RPS6KC1: variants seen among roughly 807,000 people sequenced by gnomAD.
RPS6KC1 encodes the protein inactive ribosomal protein S6 kinase delta-1.
RPS6KC1 carries 54 observed loss-of-function variants against 103.8 expected under a neutral mutation model. The ratio of observed to expected loss-of-function variants is 0.52; its 90% CI spans 0.42 to 0.65. The LOEUF is 0.65. Among genes scored for constraint, RPS6KC1 ranks in the 30% least tolerant of loss-of-function variants. The pLI is 0.00. For missense variants in RPS6KC1, 1,151 were observed against 1,253.8 expected (o/e 0.92, Z 1.24); for synonymous variants, 439 against 438.7 (o/e 1.00, Z -0.01).
the RPS6KC1 span, among the ~76,000 whole-genome samples, chr1:213,322,219 T>C: frequency 6.6e-6 from 1 of 152,198 alleles, no homozygotes; most frequent in African/African-American, 2.4e-5. Flanking sequence ...GGCAGGAGAA[T>C]TGCTTGAACC....
At chr1:213,247,757 C>G (rs539120946) in intron 12 of RPS6KC1, among the ~76,000 whole-genome samples, 50 of 152,216 alleles carry the variant, frequency 3.3e-4, no homozygotes, top group African/African-American at 1.2e-3. Flanking sequence ...ATCTGACATC[C>G]TCCTTACACA....
At position 213,242,044 on chromosome 1, in the gene RPS6KC1, G is replaced by T; in HGVS notation, c.2568G>T (p.Glu856Asp). Residue 856 changes from glutamate (E) to aspartate (D), a missense_variant, in exon 11 of 15, where the codon GAG becomes GAT. Glu to Asp is a conservative substitution (Grantham distance 45). Coordinates refer to ENST00000366960, the MANE Select transcript of RPS6KC1 (RefSeq NM_012424.6). ...ATCAGACTGATGATTTGGCTAAAGA[G>T]GAACCAACTTCTTTATTCCAGAGAG... ...FTDQTDDLAKEEPTSLFQRDS... is the reference protein window; with the variant it reads ...FTDQTDDLAKDEPTSLFQRDS... The T allele has an allele frequency of 6.2e-7, 1 of 1,614,078 alleles. No homozygotes were observed.
chr1:213,844,658 A>G, the RPS6KC1 span, among the ~76,000 whole-genome samples: 1 of 152,218 alleles, frequency 6.6e-6, no homozygotes, highest in African/African-American at 2.4e-5. Flanking sequence ...GATAAAATAA[A>G]AATCTGCTTG....
the RPS6KC1 span, among the ~76,000 whole-genome samples, chr1:213,844,809 A>C: frequency 6.6e-6 from 1 of 151,604 alleles, no homozygotes; most frequent in Non-Finnish European, 1.5e-5. Context: ...ATACACCACT[A>C]AGTATGGTTC....
the RPS6KC1 span, among the ~76,000 whole-genome samples, chr1:213,383,487 C>T: frequency 2.0e-5 from 3 of 152,148 alleles, no homozygotes; most frequent in Non-Finnish European, 4.4e-5. Flanking sequence ...TGCTCCAGGG[C>T]AAGAATTTCA....
chr1:213,827,662 T>G, the RPS6KC1 span, among the ~76,000 whole-genome samples: 1 of 152,186 alleles, frequency 6.6e-6, no homozygotes, highest in African/African-American at 2.4e-5. Flanking sequence ...AATCACCATC[T>G]AGAAAATGGA....
the RPS6KC1 span, among the ~76,000 whole-genome samples, chr1:213,725,085 C>G: frequency 1.3e-5 from 2 of 152,204 alleles, no homozygotes; most frequent in Non-Finnish European, 2.9e-5. Context: ...ACTAAAGCTG[C>G]CAGCTTAACG....
intron 1 of RPS6KC1, among the ~76,000 whole-genome samples, chr1:213,068,012 C>T (rs1325193214): frequency 2.0e-5 from 3 of 152,070 alleles, no homozygotes; most frequent in Non-Finnish European, 2.9e-5. Flanking sequence ...ATTTAAAATA[C>T]TTAAGATATC....
the RPS6KC1 span, among the ~76,000 whole-genome samples, chr1:213,809,718 G>A: frequency 6.6e-6 from 1 of 152,124 alleles, no homozygotes; most frequent in Non-Finnish European, 1.5e-5. Flanking sequence ...TGATTCAGAA[G>A]GCACTGGGGG....
chr1:213,367,752 A>G, the RPS6KC1 span, among the ~76,000 whole-genome samples: 1 of 152,232 alleles, frequency 6.6e-6, no homozygotes, highest in East Asian at 1.9e-4. Context: ...CATTTTGACT[A>G]GTAGGGCTCT....
At chr1:213,341,827 G>C in the RPS6KC1 span, among the ~76,000 whole-genome samples, 1 of 152,188 alleles carries the variant, frequency 6.6e-6, no homozygotes, top group Admixed American at 6.5e-5. Context: ...GAATTTCAAT[G>C]ATTGACTCTA....
the RPS6KC1 span, among the ~76,000 whole-genome samples, chr1:213,432,684 T>C: frequency 6.6e-6 from 1 of 152,032 alleles, no homozygotes; most frequent in East Asian, 1.9e-4. Context: ...TTTTCTGTCA[T>C]TGTAGATTAG....
At chr1:213,706,260 T>A in the RPS6KC1 span, among the ~76,000 whole-genome samples, 3 of 152,196 alleles carry the variant, frequency 2.0e-5, no homozygotes, top group Non-Finnish European at 4.4e-5. Context: ...ACTTAAGTTC[T>A]GATTGCTGAG....
chr1:213,759,992 C>T, the RPS6KC1 span, among the ~76,000 whole-genome samples: 9 of 152,224 alleles, frequency 5.9e-5, no homozygotes, highest in African/African-American at 1.9e-4. Context: ...ATCATGTGCT[C>T]TCTTTCCCCC....
At chr1:213,168,616 G>T (rs2091202187) in intron 7 of RPS6KC1, among the ~76,000 whole-genome samples, 2 of 151,800 alleles carry the variant, frequency 1.3e-5, no homozygotes, top group South Asian at 2.1e-4. Flanking sequence ...AAAGGGTTTA[G>T]TTTCTTTTCT....
At chr1:213,300,076 A>G in the RPS6KC1 span, among the ~76,000 whole-genome samples, 3 of 152,270 alleles carry the variant, frequency 2.0e-5, no homozygotes, top group East Asian at 5.8e-4. Flanking sequence ...AAGCGCTGGG[A>G]TTACAGGCGT....
chr1:213,729,076 A>T, the RPS6KC1 span, among the ~76,000 whole-genome samples: 1 of 151,088 alleles, frequency 6.6e-6, no homozygotes. Context: ...GTGCTTAGTG[A>T]GAGGTAAAAG....
At chr1:213,643,162 T>C in the RPS6KC1 span, among the ~76,000 whole-genome samples, 4 of 151,982 alleles carry the variant, frequency 2.6e-5, no homozygotes, top group Admixed American at 2.0e-4. Context: ...TGGCATTTAA[T>C]ATTCTTTCAT....
chr1:213,222,195 T>C (rs1478256713), intron 8 of RPS6KC1, among the ~76,000 whole-genome samples: 1 of 152,182 alleles, frequency 6.6e-6, no homozygotes, highest in Non-Finnish European at 1.5e-5. Flanking sequence ...CACTTCATGA[T>C]AATCTGCTAT....
Sources: gnomAD v4.1 joint callset for allele counts (sites outside exome capture counted in the v4.1 genomes callset) on GRCh38, gnomAD v4.1.1 for gene constraint, MANE v1.5 for transcripts, NCBI Gene and HGNC (gene_info 2026-07-23, HGNC 2026-07-21) for gene names.